The following XKR6 variants were observed in gnomAD, a reference collection of about 807,000 sequenced individuals.
XKR6 encodes XK-related protein 6.
A neutral mutation model predicts 56.7 loss-of-function variants in XKR6; 22 were observed. The ratio of observed to expected loss-of-function variants is 0.39; its 90% CI spans 0.28 to 0.55. XKR6 has a LOEUF of 0.55. Ranked by LOEUF, XKR6 falls within the 20% of genes least tolerant of loss-of-function variation. The pLI is 0.66. For synonymous variants in XKR6, 524 were observed against 387.8 expected, an observed-to-expected ratio of 1.35 and a Z score of -4.13; for missense variants, 852 against 889.0, an observed-to-expected ratio of 0.96 and a Z score of 0.53.
intron 1 of XKR6, among the ~76,000 whole-genome samples, chr8:10,982,743 A>G (rs1563326915): frequency 6.6e-6 from 1 of 152,204 alleles, no homozygotes; most frequent in Non-Finnish European, 1.5e-5. Flanking sequence ...AAGATTCTAG[A>G]TGCTGTGACC....
intron 1 of XKR6, among the ~76,000 whole-genome samples, chr8:11,169,686 A>G (rs1321307603): frequency 6.6e-6 from 1 of 152,222 alleles, no homozygotes; most frequent in Non-Finnish European, 1.5e-5. Context: ...AGGGATGAAG[A>G]AAAAGTTCTG....
chr8:11,051,746 G>C lies in XKR6; in HGVS notation c.765-126916C>G, dbSNP rs369898639. On this transcript the variant is annotated intron_variant, in intron 1 of 2. Coordinates refer to ENST00000416569, the MANE Select transcript of XKR6 (RefSeq NM_173683.4). ...ACAGCAGCCAGAATGAAGGATTTGA[G>C]GTTGAAATAAGACTGCAGCCCTCCA... Among the ~76,000 whole-genome samples, 4 of 152,206 alleles carry C rather than the reference G, an allele frequency of 2.6e-5. No homozygotes were observed. In the East Asian group the frequency reaches 5.8e-4, roughly 22 times the overall value.
chr8:11,054,404 T>C (rs1477255994), intron 1 of XKR6, among the ~76,000 whole-genome samples: 3 of 152,240 alleles, frequency 2.0e-5, no homozygotes, highest in Non-Finnish European at 2.9e-5. Context: ...AATCTGTCCA[T>C]GTACCGGTGT....
At chr8:11,131,437 A>T (rs1410262816) in intron 1 of XKR6, among the ~76,000 whole-genome samples, 1 of 152,182 alleles carries the variant, frequency 6.6e-6, no homozygotes, top group Non-Finnish European at 1.5e-5. Flanking sequence ...TTTATTTATG[A>T]TGTTAAAGAA....
chr8:10,948,635 C>T (rs1801621858), intron 1 of XKR6, among the ~76,000 whole-genome samples: 1 of 152,146 alleles, frequency 6.6e-6, no homozygotes, highest in Non-Finnish European at 1.5e-5. Flanking sequence ...TCTGTCCCGT[C>T]CTCTAGCACC....
intron 1 of XKR6, among the ~76,000 whole-genome samples, chr8:11,150,176 G>A (rs542956983): frequency 1.3e-5 from 2 of 152,240 alleles, no homozygotes; most frequent in South Asian, 4.2e-4. Flanking sequence ...GCAGAGTGGA[G>A]GGACTATAGT....
chr8:11,102,874 C>T (rs1395459136), intron 1 of XKR6, among the ~76,000 whole-genome samples: 1 of 152,180 alleles, frequency 6.6e-6, no homozygotes, highest in African/African-American at 2.4e-5. Flanking sequence ...TCCATCACTG[C>T]CTTCTTATTC....
chr8:11,124,208 C>T (rs1400779980), intron 1 of XKR6: 1 of 353,764 alleles, frequency 2.8e-6, no homozygotes, highest in Non-Finnish European at 5.6e-6. Context: ...AACCTTAATG[C>T]TATTCTATTA....
chr8:10,928,773 GC>G (rs900894615), intron 1 of XKR6, among the ~76,000 whole-genome samples: 66 of 152,294 alleles, frequency 4.3e-4, no homozygotes, highest in Non-Finnish European at 3.2e-4. Flanking sequence ...ATTCCTCCAA[GC>G]CCCCTCCTTC....
At chr8:10,924,137 G>C (rs1800804174) in intron 2 of XKR6, among the ~76,000 whole-genome samples, 1 of 152,234 alleles carries the variant, frequency 6.6e-6, no homozygotes, top group South Asian at 2.1e-4. Context: ...AACTTGAACA[G>C]AGCTACTTAA....
At chr8:11,177,192 G>A (rs998203670) in intron 1 of XKR6, among the ~76,000 whole-genome samples, 2 of 152,202 alleles carry the variant, frequency 1.3e-5, no homozygotes, top group Admixed American at 1.3e-4. Flanking sequence ...GCAGGTAGGT[G>A]CAACAGGCTG....
At chr8:11,189,845 G>GCA (rs1803457727) in intron 1 of XKR6, among the ~76,000 whole-genome samples, 1 of 152,162 alleles carries the variant, frequency 6.6e-6, no homozygotes, top group Non-Finnish European at 1.5e-5. Flanking sequence ...TGATTCTGAT[G>GCA]CACAGCCAAG....
intron 1 of XKR6, among the ~76,000 whole-genome samples, chr8:10,947,297 G>A (rs571937639): frequency 1.3e-5 from 2 of 152,318 alleles, no homozygotes; most frequent in South Asian, 4.1e-4. Context: ...AACCGAAAAG[G>A]AGAGCAAAGG....
At position 10,965,877 on chromosome 8, in the gene XKR6, C is replaced by T. The variant is rs143418238; in HGVS notation, c.765-41047G>A. 8.4e-4 allele frequency among the ~76,000 whole-genome samples: 128 copies of T among 152,304 alleles called. 1 individual carries two copies. The highest frequency in any genetic ancestry group is 1.6e-4 in the Non-Finnish European group (11 of 68,024). On this transcript the variant is annotated intron_variant, in intron 1 of 2. Transcript: ENST00000416569. ...AGTCCACATCATTCCTGTCTCACAC[C>T]CAGCAGGTGTGGGCCACCTGGTCCC... is the stretch of plus-strand genomic sequence containing the variant.
chr8:11,124,030 A>C, intron 1 of XKR6: 1 of 455,964 alleles, frequency 2.2e-6, no homozygotes, highest in South Asian at 1.5e-5. Flanking sequence ...AATCCCAAGC[A>C]ATCTCTAGGC....
At position 10,908,157 on chromosome 8, in the gene XKR6, C is replaced by A. The variant is rs947460313; in HGVS notation, c.962-9241G>T. Reference sequence around the variant, plus strand: ...AGAAGGGATGTGTGGCCCTGCCGGGCAGAAGACTGTGCTCACCCATGCTCC... The same window carrying A: ...AGAAGGGATGTGTGGCCCTGCCGGGAAGAAGACTGTGCTCACCCATGCTCC... On this transcript the variant is annotated intron_variant, in intron 2 of 2. Coordinates refer to ENST00000416569, the MANE Select transcript of XKR6 (RefSeq NM_173683.4). Among the ~76,000 whole-genome samples the A allele has an allele frequency of 4.6e-4, 70 of 152,316 alleles. 1 individual carries two copies. The highest frequency in any genetic ancestry group is 1.7e-3 in the African/African-American group (69 of 41,568).
intron 1 of XKR6, chr8:11,111,611 G>A (rs1451315057): frequency 6.6e-6 from 1 of 152,044 alleles, no homozygotes; most frequent in African/African-American, 2.4e-5. Context: ...AAACTTCCTG[G>A]GAAAAATGAG....
chr8:11,193,126 A>C (rs1186600660), intron 1 of XKR6, among the ~76,000 whole-genome samples: 2 of 152,224 alleles, frequency 1.3e-5, no homozygotes, highest in African/African-American at 2.4e-5. Context: ...GTGGTGAAGA[A>C]AACAATATGT....
chr8:11,192,717 A>C (rs779485333), intron 1 of XKR6, among the ~76,000 whole-genome samples: 2 of 152,208 alleles, frequency 1.3e-5, no homozygotes, highest in African/African-American at 4.8e-5. Flanking sequence ...AAATTGAGCA[A>C]AAATACACAC....
Sources: allele counts gnomAD v4.1 joint callset (sites outside exome capture counted in the v4.1 genomes callset), GRCh38; gene constraint gnomAD v4.1.1; transcripts MANE v1.5; gene names NCBI Gene and HGNC (gene_info 2026-07-23, HGNC 2026-07-21).